GABRG3: variants seen among roughly 807,000 people sequenced by gnomAD.
GABRG3 encodes the protein gamma-aminobutyric acid receptor subunit gamma-3.
Under a neutral mutation model 48.8 loss-of-function variants are expected in GABRG3, and 25 were observed. The observed-to-expected ratio is 0.51, with a 90% CI of 0.37 to 0.72. The LOEUF (loss-of-function observed/expected upper bound fraction) is 0.72, where lower values mean the gene tolerates loss of function less well. Ranked by LOEUF, GABRG3 falls within the 30% of genes least tolerant of loss-of-function variation. The pLI is 0.00. For missense variants in GABRG3, 394 were observed against 577.9 expected (o/e 0.68, Z 3.26); for synonymous variants, 227 against 217.6 (o/e 1.04, Z -0.38).
chr15:27,053,887 C>A (rs1348167301), intron 3 of GABRG3, among the ~76,000 whole-genome samples: 1 of 152,234 alleles, frequency 6.6e-6, no homozygotes, highest in Non-Finnish European at 1.5e-5. Context: ...AAATGAAATA[C>A]TGCATGTCAT....
intron 3 of GABRG3, among the ~76,000 whole-genome samples, chr15:27,174,590 C>CG (rs1566954793): frequency 1.2e-4 from 13 of 109,210 alleles, no homozygotes; most frequent in Non-Finnish European, 2.7e-4. Context: ...TCTCGTCTCT[C>CG]TCTCTCTCTC....
intron 3 of GABRG3, among the ~76,000 whole-genome samples, chr15:27,278,602 C>G (rs1442043258): frequency 6.6e-6 from 1 of 152,196 alleles, no homozygotes; most frequent in African/African-American, 2.4e-5. Context: ...CCCTTGACAT[C>G]TCTCCAACTT....
At chr15:27,157,452 G>T (rs913126070) in intron 3 of GABRG3, among the ~76,000 whole-genome samples, 1 of 152,070 alleles carries the variant, frequency 6.6e-6, no homozygotes, top group African/African-American at 2.4e-5. Flanking sequence ...ATTTCTTTAG[G>T]CCCTTCCCGT....
At chr15:26,978,909 A>G (rs540328468) in intron 2 of GABRG3, among the ~76,000 whole-genome samples, 1 of 151,406 alleles carries the variant, frequency 6.6e-6, no homozygotes, top group East Asian at 2.0e-4. Context: ...AAGTGTAGAT[A>G]TCAATCTGGA....
rs1436872729 is a variant in GABRG3, at chr15:27,536,784, C to T, written c.*3903C>T. On this transcript the variant is annotated 3_prime_UTR_variant, in exon 10 of 10. Transcript: ENST00000615808. Reference sequence around the variant, plus strand: ...TGCAATATAACCACACTCGAAGCAACAGGAGAGGGGCCGGTAACCCATTCT... The same window carrying T: ...TGCAATATAACCACACTCGAAGCAATAGGAGAGGGGCCGGTAACCCATTCT... The T allele has an allele frequency of 2.0e-5, 3 of 152,164 alleles. No homozygotes were observed. The highest frequency in any genetic ancestry group is 7.2e-5 in the African/African-American group (3 of 41,434). The allele number at this position is 152,164 out of a possible 1,614,324, so 9.4% of individuals were successfully genotyped here.
chr15:27,524,316 G>A (rs188122611), intron 7 of GABRG3, among the ~76,000 whole-genome samples: 18 of 151,798 alleles, frequency 1.2e-4, no homozygotes, highest in East Asian at 7.7e-4. Flanking sequence ...ATCCATTCTC[G>A]GACAAAGAAG....
At chr15:27,101,401 G>A (rs1334213409) in intron 3 of GABRG3, among the ~76,000 whole-genome samples, 1 of 152,130 alleles carries the variant, frequency 6.6e-6, no homozygotes, top group Non-Finnish European at 1.5e-5. Flanking sequence ...TGATCTGCAG[G>A]TTTAATGCAA....
At chr15:26,971,885 G>A (rs1697042667) in intron 1 of GABRG3, among the ~76,000 whole-genome samples, 1 of 152,146 alleles carries the variant, frequency 6.6e-6, no homozygotes, top group South Asian at 2.1e-4. Context: ...AGGGGGCAGG[G>A]GCCATTTCTG....
At chr15:27,323,744 G>T (rs1893509998) in intron 3 of GABRG3, among the ~76,000 whole-genome samples, 1 of 152,104 alleles carries the variant, frequency 6.6e-6, no homozygotes, top group South Asian at 2.1e-4. Flanking sequence ...GCTTTCCCAT[G>T]TCTCCAGCAC....
chr15:27,208,691 GC>G (rs1888961410), intron 3 of GABRG3: 1 of 152,500 alleles, frequency 6.6e-6, no homozygotes, highest in African/African-American at 2.4e-5. Context: ...AGTCTGGCAG[GC>G]CCTTTTGTCC....
In GABRG3 at chr15:27,319,835, A is replaced by G. The variant is rs1201176289; in HGVS notation, c.271-6974A>G. On this transcript the variant is annotated intron_variant, in intron 3 of 9. Transcript: ENST00000615808. The surrounding 1 kb of genome is among the most constrained non-coding windows in gnomAD (Gnocchi z 4.4). ...TGTAGGCTCTGGGTAGCCATGATACATTTTTTTAATAGCAGCATATATGGT... is the reference window on the plus strand; with the variant it reads ...TGTAGGCTCTGGGTAGCCATGATACGTTTTTTTAATAGCAGCATATATGGT... Among the ~76,000 whole-genome samples the G allele has an allele frequency of 9.2e-5, 14 of 152,174 alleles. No homozygotes were observed. The highest frequency in any genetic ancestry group is 8.5e-4 in the Admixed American group (13 of 15,278).
chr15:27,533,820 T>C lies in GABRG3; in HGVS notation c.*939T>C, dbSNP rs1310252115. 4.6e-5 allele frequency: 7 copies of C among 152,130 alleles called. No individual in the cohort carries two copies. Among genetic ancestry groups the C allele is most frequent in the African/African-American group, 1.4e-4 (6 of 41,436 alleles). 9.4% of individuals were successfully genotyped at this position (152,130 alleles called of 1,614,324 possible). ...CATACACCGGAATGTGAAAGACATG[T>C]AGATAAAATTTTATTTTTATTTTAT... On this transcript the variant is annotated 3_prime_UTR_variant, in exon 10 of 10. Coordinates refer to ENST00000615808, the MANE Select transcript of GABRG3 (RefSeq NM_033223.5).
At chr15:27,454,568 C>G (rs1889207625) in intron 5 of GABRG3, among the ~76,000 whole-genome samples, 1 of 152,190 alleles carries the variant, frequency 6.6e-6, no homozygotes, top group African/African-American at 2.4e-5. Context: ...GCATCACCAT[C>G]CTGACGCCCA....
intron 6 of GABRG3, among the ~76,000 whole-genome samples, chr15:27,508,889 C>A (rs1890827481): frequency 6.6e-6 from 1 of 151,888 alleles, no homozygotes; most frequent in Non-Finnish European, 1.5e-5. Flanking sequence ...AATTTTGTTT[C>A]TTTGTATTTT....
intron 3 of GABRG3, among the ~76,000 whole-genome samples, chr15:27,143,862 C>G (rs1051920425): frequency 6.6e-6 from 1 of 152,000 alleles, no homozygotes; most frequent in East Asian, 1.9e-4. Flanking sequence ...ATTTGTTGAC[C>G]GTGAGGTTTG....
At position 26,976,148 on chromosome 15, in the gene GABRG3, G is replaced by A. The variant is rs1169132750; in HGVS notation, c.54-854G>A. 1.3e-5 allele frequency among the ~76,000 whole-genome samples: 2 copies of A among 151,286 alleles called. No homozygotes were observed. Among genetic ancestry groups the A allele is most frequent in the African/African-American group, 4.9e-5 (2 of 41,224 alleles). On this transcript the variant is annotated intron_variant, in intron 1 of 9. Coordinates refer to ENST00000615808, the MANE Select transcript of GABRG3 (RefSeq NM_033223.5). The surrounding 1 kb of genome is among the most constrained non-coding windows in gnomAD (Gnocchi z 7.8). ...AAAAAAAAAAAAGGGAAAACTAGCC[G>A]GTCATCCTGAGGCCTCTCCATTCAG...
rs76591015 is a variant in GABRG3, at chr15:27,421,026, A to G, written c.575-59624A>G. On this transcript the variant is annotated intron_variant, in intron 5 of 9. Coordinates refer to ENST00000615808, the MANE Select transcript of GABRG3 (RefSeq NM_033223.5). ...AAGAAACTCTTAAATTTTGTGGAAA[A>G]GCATGGAAAAGTCTATGTTCAGGTG... 8.2e-3 allele frequency among the ~76,000 whole-genome samples: 1,250 copies of G among 152,330 alleles called. 20 individuals carry two copies. The highest frequency in any genetic ancestry group is 0.028 in the African/African-American group (1,180 of 41,570).
At chr15:27,100,470 C>G (rs1031445949) in intron 3 of GABRG3, among the ~76,000 whole-genome samples, 31 of 152,134 alleles carry the variant, frequency 2.0e-4, no homozygotes, top group African/African-American at 6.8e-4. Flanking sequence ...CATTCCCCAT[C>G]ATTTTTTATG....
chr15:27,104,409 A>G (rs1897414392), intron 3 of GABRG3, among the ~76,000 whole-genome samples: 1 of 152,190 alleles, frequency 6.6e-6, no homozygotes, highest in African/African-American at 2.4e-5. Context: ...CTCCCTATCC[A>G]GTCTTAGTAG....
Sources: gnomAD v4.1 joint callset for allele counts (sites outside exome capture counted in the v4.1 genomes callset) on GRCh38, gnomAD v4.1.1 for gene constraint, Gnocchi (gnomAD v3.1) non-coding constraint, MANE v1.5 for transcripts, NCBI Gene and HGNC (gene_info 2026-07-23, HGNC 2026-07-21) for gene names.